The following RABL6 variants were observed in gnomAD, a reference collection of about 807,000 sequenced individuals.
RABL6 encodes rab-like protein 6.
Under a neutral mutation model 72.9 loss-of-function variants are expected in RABL6, and 28 were observed. That is an observed-to-expected ratio of 0.38 (90% confidence interval 0.28 to 0.53). The LOEUF is 0.53. Ranked by LOEUF, RABL6 falls within the 20% of genes least tolerant of loss-of-function variation. The pLI, the probability that RABL6 is intolerant of heterozygous loss-of-function variation, is 0.80. For synonymous variants in RABL6, 477 were observed against 421.2 expected, an observed-to-expected ratio of 1.13 and a Z score of -1.62; for missense variants, 1,029 against 1,008.4, an observed-to-expected ratio of 1.02 and a Z score of -0.28.
At chr9:136,818,085 C>T (rs1025810399) in intron 1 of RABL6, among the ~76,000 whole-genome samples, 41 of 112,804 alleles carry the variant, frequency 3.6e-4, no homozygotes, top group African/African-American at 1.0e-3. Flanking sequence ...AAAAAAATGA[C>T]GGGCACAGTG....
At position 136,835,156 on chromosome 9, in the gene RABL6, T is replaced by C. The variant is rs1426805973; in HGVS notation, c.706-586T>C. Reference sequence around the variant, plus strand: ...GCTCCCGACTGTCATCCTCGCACTTTGGATGCTGAGGCAGCTGGATCACCT... The same window carrying C: ...GCTCCCGACTGTCATCCTCGCACTTCGGATGCTGAGGCAGCTGGATCACCT... On this transcript the variant is annotated intron_variant, in intron 7 of 14. Transcript: ENST00000311502. The C allele has an allele frequency of 2.0e-5, 3 of 152,228 alleles. No individual in the cohort carries two copies. The Middle Eastern group carries it at 0.01, about 518-fold the overall frequency. 9.4% of individuals were successfully genotyped at this position (152,228 alleles called of 1,614,324 possible).
At position 136,840,977 on chromosome 9, in the gene RABL6, G is replaced by A. The variant is rs1426250633; in HGVS notation, c.*455G>A. ...CCGGCCGGGAGCCCTGAACACGGGT[G>A]TGCAGACTCACCCTAAAGGGCGGCC... On this transcript the variant is annotated 3_prime_UTR_variant, in exon 15 of 15. Coordinates refer to ENST00000311502, the MANE Select transcript of RABL6 (RefSeq NM_024718.5). The A allele has an allele frequency of 3.0e-5, 44 of 1,450,702 alleles. No homozygotes were observed. The highest frequency in any genetic ancestry group is 3.8e-5 in the Non-Finnish European group (42 of 1,098,502). 89.9% of individuals were successfully genotyped at this position (1,450,702 alleles called of 1,614,324 possible). A position where few individuals can be genotyped will look rare whatever the true frequency, so the allele number is the denominator to read the frequency against.
chr9:136,808,194 A>G lies in RABL6; in HGVS notation c.-3A>G. The G allele has an allele frequency of 6.6e-7, 1 of 1,525,210 alleles. No individual in the cohort carries two copies. Among genetic ancestry groups the G allele is most frequent in the Admixed American group, 2.1e-5 (1 of 48,630 alleles). 94.5% of individuals were successfully genotyped at this position (1,525,210 alleles called of 1,614,324 possible). A position where few individuals can be genotyped will look rare whatever the true frequency, so the allele number is the denominator to read the frequency against. On this transcript the variant is annotated 5_prime_UTR_variant, in exon 1 of 15. Transcript: ENST00000311502. ...GCCCGGGCTGGGACGTCCGAGCGGG[A>G]AGATGTTTTCCGCCCTGAAGAAGCT...
chr9:136,815,273 G>T (rs1212137174), intron 1 of RABL6: 1 of 289,174 alleles, frequency 3.5e-6, no homozygotes, highest in South Asian at 3.5e-5. Flanking sequence ...CAGGTGTGGC[G>T]ACTGCTTTGC....
intron 7 of RABL6, chr9:136,834,089 C>T: frequency 7.3e-7 from 1 of 1,361,464 alleles, no homozygotes; most frequent in South Asian, 2.2e-5. Flanking sequence ...TCAAGCAGAT[C>T]TGATGTCCTC....
intron 1 of RABL6, among the ~76,000 whole-genome samples, chr9:136,818,362 C>CAAAAAA (rs1564360781): frequency 1.3e-4 from 2 of 14,998 alleles, no homozygotes; most frequent in Non-Finnish European, 2.4e-4. Context: ...GACTCTGTCT[C>CAAAAAA]AAAAAAAAAA....
intron 1 of RABL6, among the ~76,000 whole-genome samples, chr9:136,822,847 G>A (rs1427907607): frequency 1.3e-5 from 2 of 152,194 alleles, no homozygotes; most frequent in African/African-American, 2.4e-5. Flanking sequence ...CCAGCACTTT[G>A]GGAGGCCAAG....
intron 1 of RABL6, chr9:136,821,665 C>T: frequency 1.0e-6 from 1 of 989,686 alleles, no homozygotes; most frequent in Non-Finnish European, 1.2e-6. Context: ...GGGCCTCCCG[C>T]CGCGCTGGGG....
chr9:136,834,169 G>C, intron 7 of RABL6: 1 of 1,271,146 alleles, frequency 7.9e-7, no homozygotes, highest in Non-Finnish European at 9.9e-7. Flanking sequence ...GCAAATTTCA[G>C]GCCTTCTTTA....
intron 7 of RABL6, chr9:136,833,720 A>C (rs913484145): frequency 6.5e-7 from 1 of 1,550,234 alleles, no homozygotes; most frequent in African/African-American, 1.4e-5. Context: ...CTTTCTCCAG[A>C]AGGATGTCAG....
intron 3 of RABL6, 84 bp from the exon 4 acceptor site, chr9:136,828,410 G>T: frequency 7.2e-7 from 1 of 1,395,752 alleles, no homozygotes; most frequent in South Asian, 1.2e-5. Context: ...GCTGGGGGCT[G>T]AGTGGCCATG....
At chr9:136,828,891 G>C (rs772688680) in intron 4 of RABL6, among the ~76,000 whole-genome samples, 2 of 152,166 alleles carry the variant, frequency 1.3e-5, no homozygotes, top group Non-Finnish European at 2.9e-5. Context: ...CGTGAGTTTC[G>C]CTCACCGGAG....
rs915948033 is a variant in RABL6, at chr9:136,819,254, GGAGCTTGCAGT to G, written c.131-4266_131-4256del. 4.6e-4 allele frequency among the ~76,000 whole-genome samples: 70 copies of G among 151,546 alleles called. 1 individual carries two copies. The highest frequency in any genetic ancestry group is 8.8e-4 in the Non-Finnish European group (60 of 67,886). On this transcript the variant is annotated intron_variant, in intron 1 of 14. Coordinates refer to ENST00000311502, the MANE Select transcript of RABL6 (RefSeq NM_024718.5). The stretch of plus-strand genomic sequence containing the variant: ...GGAGAATGGCGTGAACCCGGGAGGC[GGAGCTTGCAGT>G]GAGCCGAGATGGTGCCACTGCACTC...
At chr9:136,819,324 GA>G (rs57726746) in intron 1 of RABL6, among the ~76,000 whole-genome samples, 9,099 of 59,022 alleles carry the variant, frequency 0.15, 625 homozygotes, top group African/African-American at 0.29. Context: ...TCCGTCTCAA[GA>G]AAAAAAAAAA....
intron 7 of RABL6, chr9:136,833,367 G>A (rs1190306168): frequency 2.6e-6 from 1 of 384,512 alleles, no homozygotes; most frequent in Admixed American, 3.5e-5. Flanking sequence ...TGGGTCTGGG[G>A]GACCTGAACC....
chr9:136,820,157 C>T (rs912444483), intron 1 of RABL6, among the ~76,000 whole-genome samples: 1 of 145,902 alleles, frequency 6.9e-6, no homozygotes, highest in Non-Finnish European at 1.5e-5. Context: ...TGAGATCACA[C>T]CACTGCACTC....
intron 1 of RABL6, 135 bp downstream of exon 1, chr9:136,808,461 C>A: frequency 1.0e-6 from 1 of 988,472 alleles, no homozygotes; most frequent in Non-Finnish European, 1.3e-6. Context: ...CCGGGCGCTC[C>A]GGGAGCGGGG....
At chr9:136,808,951 T>A (rs1259713643) in intron 1 of RABL6, 1 of 152,206 alleles carries the variant, frequency 6.6e-6, no homozygotes, top group Admixed American at 6.5e-5. Context: ...GGAGGAGTCA[T>A]TTACGGACTC....
At chr9:136,829,330 T>G in intron 4 of RABL6, 63 bp from the exon 5 acceptor site, 2 of 1,261,646 alleles carry the variant, frequency 1.6e-6, no homozygotes, top group Non-Finnish European at 1.1e-6. Context: ...TTTCTAAAAC[T>G]GTGGGCCACA....
Sources: allele counts gnomAD v4.1 joint callset (sites outside exome capture counted in the v4.1 genomes callset), GRCh38; gene constraint gnomAD v4.1.1; transcripts MANE v1.5; gene names NCBI Gene and HGNC (gene_info 2026-07-23, HGNC 2026-07-21).